The following DCLK2 variants were observed in gnomAD, a reference collection of about 807,000 sequenced individuals.
DCLK2 encodes doublecortin like kinase 2, also known as serine/threonine-protein kinase DCLK2.
A neutral mutation model predicts 78.4 loss-of-function variants in DCLK2; 31 were observed. The ratio of observed to expected loss-of-function variants is 0.40; its 90% CI spans 0.30 to 0.53. The LOEUF (loss-of-function observed/expected upper bound fraction) is 0.53, where lower values mean the gene tolerates loss of function less well. DCLK2 is among the 20% of genes least tolerant of loss of function. DCLK2 has a pLI of 0.61. For missense variants in DCLK2, 872 were observed against 973.7 expected (o/e 0.90, Z 1.39); for synonymous variants, 407 against 374.9 (o/e 1.09, Z -0.99).
At chr4:150,175,229 T>TTA (rs1489769461) in intron 2 of DCLK2, among the ~76,000 whole-genome samples, 4 of 140,018 alleles carry the variant, frequency 2.9e-5, no homozygotes, top group African/African-American at 5.3e-5. Context: ...CTATATATAT[T>TTA]TATATATATA....
rs1454035697 is a variant in DCLK2 at position 150,175,011 on chromosome 4, A to AAAATAT, written c.757-18126_757-18125insAATATA. ...AGACTCCGTCGCAAAAAAAAAAAAA[A>AAAATAT]ATATATATATATATATATATATTTA... On this transcript the variant is annotated intron_variant, in intron 2 of 15. Transcript: ENST00000296550. Among the ~76,000 whole-genome samples the AAAATAT allele has an allele frequency of 8.1e-3, 81 of 9,966 alleles. 17 individuals are homozygous for AAAATAT. Among genetic ancestry groups the AAAATAT allele is most frequent in the East Asian group, 0.015 (10 of 660 alleles). 6.5% of individuals were successfully genotyped at this position (9,966 alleles called of 152,430 possible). A position where few individuals can be genotyped will look rare whatever the true frequency, so the allele number is the denominator to read the frequency against.
At chr4:150,203,987 A>C in intron 5 of DCLK2, 98 bp downstream of exon 5, 1 of 1,127,858 alleles carries the variant, frequency 8.9e-7, no homozygotes, top group Non-Finnish European at 1.3e-6. Context: ...TACAGTAGCA[A>C]ATTAAAAAGA....
intron 2 of DCLK2, among the ~76,000 whole-genome samples, chr4:150,186,714 CA>C (rs1243876909): frequency 6.6e-6 from 1 of 152,122 alleles, no homozygotes; most frequent in Non-Finnish European, 1.5e-5. Context: ...GAATTTGGGC[CA>C]CTACTAGGAA....
At chr4:150,080,716 G>A (rs1451307816) in intron 1 of DCLK2, among the ~76,000 whole-genome samples, 1 of 152,184 alleles carries the variant, frequency 6.6e-6, no homozygotes, top group African/African-American at 2.4e-5. Context: ...ATACTTTCTC[G>A]TCTACGATTC....
intron 2 of DCLK2, among the ~76,000 whole-genome samples, chr4:150,159,187 C>T (rs1037189133): frequency 6.6e-6 from 1 of 152,156 alleles, no homozygotes; most frequent in African/African-American, 2.4e-5. Context: ...AAGGGAGTGC[C>T]ATTCACATCC....
intron 7 of DCLK2, 82 bp from the exon 8 acceptor site, chr4:150,224,418 AT>A: frequency 1.0e-5 from 14 of 1,349,802 alleles, no homozygotes; most frequent in East Asian, 2.4e-5. Context: ...AAAAAAAAAA[AT>A]TAAAGTATAA....
chr4:150,183,247 C>T (rs998748470), intron 2 of DCLK2, among the ~76,000 whole-genome samples: 5 of 152,068 alleles, frequency 3.3e-5, no homozygotes, highest in Non-Finnish European at 5.9e-5. Flanking sequence ...ATAAAATAGC[C>T]GTGGAAAATA....
chr4:150,097,848 T>C (rs1386682755), intron 1 of DCLK2, among the ~76,000 whole-genome samples: 3 of 152,160 alleles, frequency 2.0e-5, no homozygotes, highest in Non-Finnish European at 2.9e-5. Context: ...TTCCCCTAAA[T>C]TTTTTACAGT....
At chr4:150,189,803 A>C (rs1738257136) in intron 2 of DCLK2, among the ~76,000 whole-genome samples, 1 of 151,776 alleles carries the variant, frequency 6.6e-6, no homozygotes, top group Admixed American at 6.6e-5. Flanking sequence ...CATTTGGCAA[A>C]CCTGTATCAA....
intron 1 of DCLK2, among the ~76,000 whole-genome samples, chr4:150,080,791 T>A (rs1339366727): frequency 6.6e-6 from 1 of 152,192 alleles, no homozygotes; most frequent in African/African-American, 2.4e-5. Context: ...GTCTATTTAG[T>A]CAGAAGTTTT....
chr4:150,217,577 C>T (rs534085949), intron 5 of DCLK2, among the ~76,000 whole-genome samples: 18 of 152,160 alleles, frequency 1.2e-4, no homozygotes, highest in Non-Finnish European at 1.9e-4. Flanking sequence ...TGCACCTATC[C>T]CTCCTCATAA....
chr4:150,117,575 G>C (rs533157339), intron 2 of DCLK2, among the ~76,000 whole-genome samples: 1 of 152,268 alleles, frequency 6.6e-6, no homozygotes, highest in Admixed American at 6.5e-5. Context: ...TGCTGTCTGA[G>C]TTAGCTGGCC....
intron 10 of DCLK2, among the ~76,000 whole-genome samples, chr4:150,235,544 G>A (rs913535712): frequency 3.9e-5 from 6 of 152,144 alleles, no homozygotes; most frequent in African/African-American, 9.7e-5. Context: ...GGGAGGAGAA[G>A]GAAGAAGAGG....
intron 15 of DCLK2, among the ~76,000 whole-genome samples, chr4:150,255,301 G>A (rs1181596861): frequency 5.9e-5 from 9 of 152,174 alleles, no homozygotes; most frequent in African/African-American, 2.2e-4. Flanking sequence ...GGCTTCCCTG[G>A]ACAAGCAGGA....
chr4:150,219,491 CCT>C (rs750014595), intron 5 of DCLK2, among the ~76,000 whole-genome samples: 3 of 152,018 alleles, frequency 2.0e-5, no homozygotes, highest in Non-Finnish European at 4.4e-5. Context: ...AAACTCTTCA[CCT>C]CAGGTGATCC....
chr4:150,233,901 G>C, intron 10 of DCLK2, among the ~76,000 whole-genome samples: 1 of 152,178 alleles, frequency 6.6e-6, no homozygotes, highest in South Asian at 2.1e-4. Flanking sequence ...GAATTTTAGA[G>C]AAACTGGTTG....
chr4:150,085,475 A>G (rs886275786), intron 1 of DCLK2, among the ~76,000 whole-genome samples: 3 of 151,958 alleles, frequency 2.0e-5, no homozygotes, highest in South Asian at 2.1e-4. Context: ...TAACTAACCC[A>G]CTCCCACAAT....
intron 10 of DCLK2, among the ~76,000 whole-genome samples, chr4:150,233,870 C>G (rs549138390): frequency 6.6e-6 from 1 of 152,298 alleles, no homozygotes; most frequent in East Asian, 1.9e-4. Context: ...GGGAACCAAT[C>G]CTCGTGACCA....
At chr4:150,185,725 AAAATT>A (rs1417365551) in intron 2 of DCLK2, among the ~76,000 whole-genome samples, 1 of 152,110 alleles carries the variant, frequency 6.6e-6, no homozygotes, top group East Asian at 1.9e-4. Context: ...AAAAAAAAAA[AAAATT>A]AATTAATAAA....
Sources: gnomAD v4.1 joint callset for allele counts (sites outside exome capture counted in the v4.1 genomes callset) on GRCh38, gnomAD v4.1.1 for gene constraint, MANE v1.5 for transcripts, NCBI Gene and HGNC (gene_info 2026-07-23, HGNC 2026-07-21) for gene names.